Variants in TRABD2B observed in about 807,000 individuals in gnomAD.
TRABD2B encodes the protein TraB domain containing 2B.
In TRABD2B, 14 loss-of-function variants were observed where a neutral mutation model predicts 40.1. The observed-to-expected ratio is 0.35, with a 90% CI of 0.23 to 0.55. TRABD2B has a LOEUF of 0.55. Among genes scored for constraint, TRABD2B ranks in the 20% least tolerant of loss-of-function variants. TRABD2B has a pLI of 0.90. For missense variants in TRABD2B, 541 were observed against 648.6 expected (o/e 0.83, Z 1.80); for synonymous variants, 263 against 277.0 (o/e 0.95, Z 0.50).
At chr1:47,912,639 A>T (rs879410636) in intron 2 of TRABD2B, among the ~76,000 whole-genome samples, 3 of 152,170 alleles carry the variant, frequency 2.0e-5, no homozygotes, top group Non-Finnish European at 4.4e-5. Flanking sequence ...TAACTCATTG[A>T]GAGGATATTT....
Position 47,876,763 on chromosome 1 carries a change from G to T in TRABD2B, c.667-75144C>A, listed in dbSNP as rs573581292. Among the ~76,000 whole-genome samples, 4 of 152,296 alleles carry T rather than the reference G, an allele frequency of 2.6e-5. No individual in the cohort carries two copies. The East Asian group carries it at 7.7e-4, about 29-fold the overall frequency. ...ACTCAGAGAGCACTGACAGCAGCAG[G>T]CAGCACTCCTTCATGTCTCTGTTTA... On this transcript the variant is annotated intron_variant, in intron 2 of 6. Coordinates refer to ENST00000606738, the MANE Select transcript of TRABD2B (RefSeq NM_001194986.2).
At chr1:47,832,734 T>A (rs1645267401) in intron 2 of TRABD2B, among the ~76,000 whole-genome samples, 1 of 152,164 alleles carries the variant, frequency 6.6e-6, no homozygotes, top group Admixed American at 6.5e-5. Context: ...CAGAGAAGAA[T>A]CTGGTAGTTT....
chr1:47,983,088 G>A (rs954024293), intron 2 of TRABD2B, among the ~76,000 whole-genome samples: 2 of 152,110 alleles, frequency 1.3e-5, no homozygotes, highest in African/African-American at 2.4e-5. Context: ...CAACCTAAAT[G>A]CCCATCCACA....
chr1:47,965,198 G>GGGT (rs1645580657), intron 2 of TRABD2B, among the ~76,000 whole-genome samples: 1 of 108,880 alleles, frequency 9.2e-6, no homozygotes, highest in African/African-American at 3.7e-5. Context: ...ATTTGGCGGG[G>GGGT]GGCGGGGGGG....
chr1:47,987,157 C>T (rs1230525231), intron 2 of TRABD2B, among the ~76,000 whole-genome samples: 1 of 152,050 alleles, frequency 6.6e-6, no homozygotes, highest in East Asian at 1.9e-4. Flanking sequence ...AGTGCTTTGC[C>T]GGTCAGGTTT....
intron 2 of TRABD2B, among the ~76,000 whole-genome samples, chr1:47,990,036 C>T (rs926409766): frequency 9.9e-5 from 15 of 152,120 alleles, no homozygotes; most frequent in Admixed American, 7.2e-4. Context: ...AATGCAGCAC[C>T]CTGCATAGAG....
chr1:47,832,353 C>A (rs1221563717), intron 2 of TRABD2B, among the ~76,000 whole-genome samples: 1 of 151,792 alleles, frequency 6.6e-6, no homozygotes, highest in Non-Finnish European at 1.5e-5. Context: ...AGAGGTCAGA[C>A]GTGGGTCCAG....
chr1:47,960,992 T>C (rs1391878438), intron 2 of TRABD2B, among the ~76,000 whole-genome samples: 1 of 152,164 alleles, frequency 6.6e-6, no homozygotes. Context: ...CAAAACAGCA[T>C]GGTACTGGTA....
At chr1:47,930,164 T>C (rs961912232) in intron 2 of TRABD2B, among the ~76,000 whole-genome samples, 3 of 152,118 alleles carry the variant, frequency 2.0e-5, no homozygotes, top group East Asian at 1.9e-4. Flanking sequence ...TCCTGAGCCA[T>C]GGTGCGCCAA....
chr1:47,909,554 G>GGA (rs1557651066), intron 2 of TRABD2B, among the ~76,000 whole-genome samples: 7 of 104,984 alleles, frequency 6.7e-5, no homozygotes, highest in Non-Finnish European at 1.0e-4. Context: ...AGGAGAAGAA[G>GGA]GAAGAAGGAG....
intron 2 of TRABD2B, among the ~76,000 whole-genome samples, chr1:47,880,277 C>CT (rs1644283835): frequency 6.6e-6 from 1 of 152,118 alleles, no homozygotes; most frequent in African/African-American, 2.4e-5. Flanking sequence ...GATTGTGCCA[C>CT]TGCACTCCAG....
At chr1:47,802,212 G>T (rs1037456260) in intron 2 of TRABD2B, among the ~76,000 whole-genome samples, 6 of 151,776 alleles carry the variant, frequency 4.0e-5, no homozygotes, top group African/African-American at 1.5e-4. Context: ...AGCCAGATCT[G>T]TGGGCATCAG....
chr1:47,858,263 ATTTTATTTTTTT>A (rs1643918122), intron 2 of TRABD2B, among the ~76,000 whole-genome samples: 1 of 68,058 alleles, frequency 1.5e-5, no homozygotes. Flanking sequence ...ATTTTATTTT[ATTTTATTTTTTT>A]GAGACAGGGT....
intron 2 of TRABD2B, among the ~76,000 whole-genome samples, chr1:47,864,721 T>C (rs962009102): frequency 6.6e-6 from 1 of 152,096 alleles, no homozygotes; most frequent in Non-Finnish European, 1.5e-5. Context: ...CCTGATGACA[T>C]GCTGAGGGGC....
chr1:47,789,486 C>CCAAT (rs2124179651), intron 4 of TRABD2B, among the ~76,000 whole-genome samples: 1 of 152,264 alleles, frequency 6.6e-6, no homozygotes, highest in East Asian at 1.9e-4. Flanking sequence ...GCAGGTGCTA[C>CCAAT]CAATCAATCA....
In TRABD2B at chr1:47,801,586, G is replaced by A; in HGVS notation, c.700C>T (p.Gln234Ter). 6.5e-7 allele frequency: 1 copy of A among 1,535,970 alleles called. No individual in the cohort carries two copies. The highest frequency in any genetic ancestry group is 8.7e-7 in the Non-Finnish European group (1 of 1,146,802). Residue 234 changes from glutamine to a stop codon, truncating the protein, a stop_gained, in exon 3 of 7, where the codon CAG (glutamine) becomes TAG (stop). Coordinates refer to ENST00000606738, the MANE Select transcript of TRABD2B (RefSeq NM_001194986.2). LOFTEE classifies it high-confidence loss of function. ...LFALNQTLLQQESVRAGSLQA... is the reference protein window; with the variant it reads ...LFALNQTLLQ The stretch of plus-strand genomic sequence containing the variant: ...AGGCTCCCGGCCCGCACACTCTCCT[G>A]CTGCAGCAGGGTTTGGTTCAGGGCA...
chr1:47,794,989 G>A (rs1644729153), intron 3 of TRABD2B, among the ~76,000 whole-genome samples: 1 of 151,988 alleles, frequency 6.6e-6, no homozygotes, highest in Non-Finnish European at 1.5e-5. Flanking sequence ...GGCTGATCTC[G>A]AACTCCTCCT....
At chr1:47,909,777 C>CA (rs1644733929) in intron 2 of TRABD2B, among the ~76,000 whole-genome samples, 1 of 15,240 alleles carries the variant, frequency 6.6e-5, no homozygotes, top group African/African-American at 2.7e-4. Flanking sequence ...TTCCCCTCCC[C>CA]TCCCCTCCCC....
intron 2 of TRABD2B, among the ~76,000 whole-genome samples, chr1:47,859,063 T>C (rs1286453535): frequency 6.6e-6 from 1 of 152,224 alleles, no homozygotes; most frequent in East Asian, 1.9e-4. Flanking sequence ...CCAAGCAAGC[T>C]GTGGTCTTTG....
Sources: gnomAD v4.1 joint callset for allele counts (sites outside exome capture counted in the v4.1 genomes callset) on GRCh38, gnomAD v4.1.1 for gene constraint, MANE v1.5 for transcripts, NCBI Gene and HGNC (gene_info 2026-07-23, HGNC 2026-07-21) for gene names.